The following NCAM2 variants were observed in gnomAD, a reference collection of about 807,000 sequenced individuals.
NCAM2 encodes neural cell adhesion molecule 2.
In NCAM2, 30 loss-of-function variants were observed where a neutral mutation model predicts 98.1. The ratio of observed to expected loss-of-function variants is 0.31; its 90% CI spans 0.23 to 0.41. NCAM2 has a LOEUF of 0.41. NCAM2 is among the 10% of genes least tolerant of loss of function. The probability of loss-of-function intolerance (pLI) is 1.00; values close to 1 mark genes in which losing one functional copy is unlikely to be tolerated. For synonymous variants in NCAM2, 368 were observed against 342.4 expected (o/e 1.07, Z -0.83); for missense variants, 867 against 1,005.8 (o/e 0.86, Z 1.87).
intron 1 of NCAM2, among the ~76,000 whole-genome samples, chr21:21,112,057 C>CTTTAA (rs2066464946): frequency 6.6e-6 from 1 of 152,148 alleles, no homozygotes; most frequent in Non-Finnish European, 1.5e-5. Context: ...TGACTGTAGA[C>CTTTAA]ATTCTCTTAT....
chr21:21,251,475 G>T (rs773595922), intron 1 of NCAM2, among the ~76,000 whole-genome samples: 2 of 152,166 alleles, frequency 1.3e-5, no homozygotes, highest in Non-Finnish European at 2.9e-5. Flanking sequence ...TCCCTGCAAA[G>T]GACATGATCT....
intron 6 of NCAM2, among the ~76,000 whole-genome samples, chr21:21,324,890 A>G (rs917561100): frequency 3.1e-4 from 47 of 152,144 alleles, no homozygotes; most frequent in South Asian, 2.1e-4. Flanking sequence ...TTAGAATATA[A>G]TTGTGTATAT....
At chr21:21,472,817 G>A (rs1179772692) in intron 14 of NCAM2, among the ~76,000 whole-genome samples, 3 of 151,708 alleles carry the variant, frequency 2.0e-5, no homozygotes, top group Admixed American at 1.3e-4. Flanking sequence ...ATTATGTAGG[G>A]CCTAATTTTA....
chr21:21,183,614 T>A (rs2068547651), intron 1 of NCAM2, among the ~76,000 whole-genome samples: 1 of 152,152 alleles, frequency 6.6e-6, no homozygotes, highest in South Asian at 2.1e-4. Context: ...ACAGGTACTG[T>A]TAAACTGGTA....
At chr21:21,348,808 C>T (rs1200899275) in intron 8 of NCAM2, among the ~76,000 whole-genome samples, 1 of 152,016 alleles carries the variant, frequency 6.6e-6, no homozygotes, top group Non-Finnish European at 1.5e-5. Flanking sequence ...CCATTTTCAA[C>T]AAAAGTGCCA....
chr21:21,494,318 G>C (rs183782103), intron 15 of NCAM2, among the ~76,000 whole-genome samples: 4 of 151,908 alleles, frequency 2.6e-5, no homozygotes, highest in Admixed American at 2.0e-4. Flanking sequence ...AATTTTGTTT[G>C]TACAATGAAA....
chr21:21,054,851 C>A (rs1223658068), intron 1 of NCAM2, among the ~76,000 whole-genome samples: 3 of 151,954 alleles, frequency 2.0e-5, no homozygotes, highest in African/African-American at 7.2e-5. Context: ...TCTCTCAGTC[C>A]TGCAGAAAAG....
At chr21:21,019,224 T>A (rs1004753871) in intron 1 of NCAM2, among the ~76,000 whole-genome samples, 2 of 152,260 alleles carry the variant, frequency 1.3e-5, no homozygotes, top group Admixed American at 1.3e-4. Context: ...GAAGCCTCGC[T>A]CTGTATACTT....
chr21:21,299,918 C>T (rs1221579703), intron 5 of NCAM2, among the ~76,000 whole-genome samples: 3 of 151,842 alleles, frequency 2.0e-5, no homozygotes, highest in Non-Finnish European at 4.4e-5. Flanking sequence ...TTGCATATAG[C>T]CTACACACAT....
intron 1 of NCAM2, among the ~76,000 whole-genome samples, chr21:21,137,789 T>C (rs2146641651): frequency 6.6e-6 from 1 of 152,292 alleles, no homozygotes; most frequent in East Asian, 1.9e-4. Context: ...GAGTGATTTT[T>C]TTTTAGTTGC....
chr21:21,052,150 A>ATT (rs5842877), intron 1 of NCAM2, among the ~76,000 whole-genome samples: 3 of 74,794 alleles, frequency 4.0e-5, no homozygotes, highest in African/African-American at 1.7e-4. Flanking sequence ...CATGATGGCC[A>ATT]TTTTTTTTTT....
intron 1 of NCAM2, among the ~76,000 whole-genome samples, chr21:21,103,119 G>A (rs2066278596): frequency 6.6e-6 from 1 of 152,038 alleles, no homozygotes; most frequent in East Asian, 1.9e-4. Flanking sequence ...CAAAAATTCA[G>A]CAGCTGTAGA....
At chr21:21,122,060 C>T (rs985545237) in intron 1 of NCAM2, among the ~76,000 whole-genome samples, 2 of 152,088 alleles carry the variant, frequency 1.3e-5, no homozygotes, top group African/African-American at 4.8e-5. Flanking sequence ...GAACAAAAAT[C>T]GATTAATGTT....
At chr21:21,346,131 T>A (rs1348547347) in intron 8 of NCAM2, among the ~76,000 whole-genome samples, 1 of 150,568 alleles carries the variant, frequency 6.6e-6, no homozygotes, top group Non-Finnish European at 1.5e-5. Flanking sequence ...GACCCATTGA[T>A]CTGTTGCCTA....
intron 8 of NCAM2, among the ~76,000 whole-genome samples, chr21:21,345,062 A>C (rs893557394): frequency 6.6e-6 from 1 of 152,162 alleles, no homozygotes; most frequent in East Asian, 1.9e-4. Flanking sequence ...GAACCTCAAC[A>C]TTACTGGGCT....
At chr21:21,490,096 A>T (rs899487557) in intron 15 of NCAM2, among the ~76,000 whole-genome samples, 5 of 152,028 alleles carry the variant, frequency 3.3e-5, no homozygotes, top group Non-Finnish European at 5.9e-5. Flanking sequence ...CTCAACAAAG[A>T]TCTCTTGTAA....
chr21:21,019,852 G>A (rs868620201), intron 1 of NCAM2, among the ~76,000 whole-genome samples: 2 of 151,956 alleles, frequency 1.3e-5, no homozygotes, highest in South Asian at 2.1e-4. Flanking sequence ...AGCTTTTGTG[G>A]GCTTTATGGT....
chr21:21,157,419 C>T (rs537606467), intron 1 of NCAM2, among the ~76,000 whole-genome samples: 3 of 152,104 alleles, frequency 2.0e-5, no homozygotes, highest in African/African-American at 7.2e-5. Context: ...AATGAAAATT[C>T]GGCTTTTGTA....
At position 21,324,483 on chromosome 21, in the gene NCAM2, C is replaced by A; in HGVS notation, c.720C>A (p.Pro240=). Residue 240 remains proline (P), a synonymous_variant, in exon 6 of 18, where the codon CCC becomes CCA. Transcript: ENST00000400546. The part of the protein sequence containing the change: ...FSCRASGSPE[P]AISWFRNGKL... ...GCAGGGCCTCAGGCTCTCCAGAACC[C>A]GCCATCTCCTGGTTCAGGTAGGTTA... The A allele has an allele frequency of 6.2e-7, 1 of 1,611,016 alleles. No individual in the cohort carries two copies. Among genetic ancestry groups the A allele is most frequent in the South Asian group, 1.1e-5 (1 of 90,972 alleles).
Sources: allele counts gnomAD v4.1 joint callset (sites outside exome capture counted in the v4.1 genomes callset), GRCh38; gene constraint gnomAD v4.1.1; transcripts MANE v1.5; gene names NCBI Gene and HGNC (gene_info 2026-07-23, HGNC 2026-07-21).